SHLD2: variants seen among roughly 807,000 people sequenced by gnomAD.
The protein encoded by SHLD2 is RINN1-REV7-interacting novel NHEJ regulator 2.
A neutral mutation model predicts 73.2 loss-of-function variants in SHLD2; 30 were observed. The observed-to-expected ratio is 0.41, with a 90% CI of 0.31 to 0.56. SHLD2 has a LOEUF of 0.56. Among genes scored for constraint, SHLD2 ranks in the 20% least tolerant of loss-of-function variants. The pLI, the probability that SHLD2 is intolerant of heterozygous loss-of-function variation, is 0.28. For synonymous variants in SHLD2, 285 were observed against 370.1 expected, an observed-to-expected ratio of 0.77 and a Z score of 2.64; for missense variants, 745 against 1,055.9, an observed-to-expected ratio of 0.71 and a Z score of 4.08.
intron 2 of SHLD2, among the ~76,000 whole-genome samples, chr10:87,107,004 G>C (rs1395974808): frequency 1.3e-5 from 2 of 149,048 alleles, no homozygotes; most frequent in African/African-American, 4.9e-5. Flanking sequence ...TGGAATCCTT[G>C]TGATTGCATT....
At chr10:87,097,347 G>C (rs750822744) in intron 2 of SHLD2, among the ~76,000 whole-genome samples, 2 of 152,194 alleles carry the variant, frequency 1.3e-5, no homozygotes, top group Non-Finnish European at 2.9e-5. Context: ...GATCACTTGA[G>C]GTCAGGAGTT....
chr10:87,103,552 T>C (rs887335687), intron 2 of SHLD2, among the ~76,000 whole-genome samples: 13 of 152,214 alleles, frequency 8.5e-5, no homozygotes, highest in African/African-American at 3.1e-4. Context: ...TTGCAAACTT[T>C]TGTGCCAAAG....
chr10:87,123,183 A>G (rs1843744610), intron 2 of SHLD2, among the ~76,000 whole-genome samples: 1 of 152,258 alleles, frequency 6.6e-6, no homozygotes. Context: ...CTGAGATTAC[A>G]GGCATGAGTC....
intron 2 of SHLD2, chr10:87,114,394 T>G (rs906036180): frequency 4.6e-5 from 7 of 152,202 alleles, no homozygotes; most frequent in African/African-American, 1.7e-4. Flanking sequence ...GGAGACTGGA[T>G]TGGTAGGGAC....
At chr10:87,163,089 C>G (rs3129473) in intron 4 of SHLD2, among the ~76,000 whole-genome samples, 131,848 of 151,756 alleles carry the variant, frequency 0.87, 58,176 homozygotes, top group African/African-American at 0.97. Flanking sequence ...CTAAGTTATG[C>G]TACATTCACA....
At position 87,175,874 on chromosome 10, in the gene SHLD2, A is replaced by C. The variant is rs1455838840; in HGVS notation, c.1964-15A>C. On this transcript the variant is annotated splice_polypyrimidine_tract_variant and intron_variant, in intron 6 of 9. Transcript: ENST00000298786. ...TTCCTTTTTGGTGACTTTTGTTTTTACTGTTTTTTTTAAGGTTATATTTGG... is the reference window on the plus strand; with the variant it reads ...TTCCTTTTTGGTGACTTTTGTTTTTCCTGTTTTTTTTAAGGTTATATTTGG... 6 of 1,547,854 alleles carry C rather than the reference A, an allele frequency of 3.9e-6. No individual in the cohort carries two copies. In the East Asian group the frequency reaches 1.5e-4, roughly 38 times the overall value.
intron 4 of SHLD2, among the ~76,000 whole-genome samples, chr10:87,169,637 C>T (rs1349330830): frequency 4.6e-5 from 7 of 151,310 alleles, no homozygotes; most frequent in African/African-American, 1.5e-4. Flanking sequence ...GGTCAGCAAT[C>T]AATCACGTAC....
intron 2 of SHLD2, among the ~76,000 whole-genome samples, chr10:87,129,562 C>T (rs552165214): frequency 3.3e-5 from 5 of 152,226 alleles, no homozygotes; most frequent in African/African-American, 1.2e-4. Context: ...CTGTTGCCAT[C>T]TCTTTGATTC....
intron 2 of SHLD2, among the ~76,000 whole-genome samples, chr10:87,128,989 T>G (rs1005047629): frequency 6.6e-6 from 1 of 152,080 alleles, no homozygotes; most frequent in Non-Finnish European, 1.5e-5. Context: ...TGCAACAACC[T>G]CCGCCTCCTG....
intron 2 of SHLD2, among the ~76,000 whole-genome samples, chr10:87,104,780 C>A (rs11202329): frequency 0.35 from 52,607 of 151,302 alleles, 9,603 homozygotes; most frequent in African/African-American, 0.44. Flanking sequence ...CCTGCTTCAG[C>A]CTCCCGAGTA....
chr10:87,168,115 TCC>T (rs1295509923), intron 4 of SHLD2, among the ~76,000 whole-genome samples: 1 of 152,136 alleles, frequency 6.6e-6, no homozygotes, highest in Non-Finnish European at 1.5e-5. Context: ...GACCCAGCAA[TCC>T]CATTACTAGG....
At chr10:87,163,347 TAGG>T (rs1846959445) in intron 4 of SHLD2, among the ~76,000 whole-genome samples, 1 of 151,896 alleles carries the variant, frequency 6.6e-6, no homozygotes, top group African/African-American at 2.4e-5. Context: ...AGGGGGCACA[TAGG>T]AGAGGGGTGG....
At chr10:87,163,239 T>C (rs1159824093) in intron 4 of SHLD2, among the ~76,000 whole-genome samples, 2 of 152,114 alleles carry the variant, frequency 1.3e-5, no homozygotes, top group Non-Finnish European at 2.9e-5. Flanking sequence ...CTGTCCTTCC[T>C]GTACGAAGGA....
intron 2 of SHLD2, among the ~76,000 whole-genome samples, chr10:87,128,519 T>C (rs1308965836): frequency 6.6e-6 from 1 of 152,262 alleles, no homozygotes; most frequent in Non-Finnish European, 1.5e-5. Context: ...CTTCTGTTTC[T>C]TCTCCTCTTA....
rs539336799 is a variant in SHLD2 at position 87,160,544 on chromosome 10, A to G, written c.1633+2389A>G. ...TTATAATATGATTAATACTATATCA[A>G]TAAAATAGATACTTAGTCCTAATGC... On this transcript the variant is annotated intron_variant, in intron 4 of 9. Coordinates refer to ENST00000298786, the MANE Select transcript of SHLD2 (RefSeq NM_001330112.2). 1.1e-4 allele frequency among the ~76,000 whole-genome samples: 17 copies of G among 152,312 alleles called. No homozygotes were observed. In the East Asian group the frequency reaches 3.3e-3, roughly 29 times the overall value.
At chr10:87,100,682 TAGTC>T (rs753691546) in intron 2 of SHLD2, among the ~76,000 whole-genome samples, 59 of 152,280 alleles carry the variant, frequency 3.9e-4, no homozygotes, top group African/African-American at 1.4e-3. Flanking sequence ...TTTATCATGT[TAGTC>T]AGGCTGATCT....
chr10:87,105,278 A>C (rs1002509884), intron 2 of SHLD2, among the ~76,000 whole-genome samples: 1 of 152,256 alleles, frequency 6.6e-6, no homozygotes, highest in African/African-American at 2.4e-5. Context: ...TTAAAAACAG[A>C]CATAACTGAA....
intron 2 of SHLD2, among the ~76,000 whole-genome samples, chr10:87,147,072 G>GAAAAAAAAAA (rs76041937): frequency 1.2e-4 from 11 of 95,306 alleles, no homozygotes; most frequent in Non-Finnish European, 2.0e-4. Context: ...AAAAAAAAAA[G>GAAAAAAAAAA]AAAAAAAAAA....
At chr10:87,139,701 G>T (rs1163465416) in intron 2 of SHLD2, among the ~76,000 whole-genome samples, 1 of 152,122 alleles carries the variant, frequency 6.6e-6, no homozygotes, top group African/African-American at 2.4e-5. Context: ...GGTGGGATGT[G>T]CCTGTAATTC....
Sources: allele counts gnomAD v4.1 joint callset (sites outside exome capture counted in the v4.1 genomes callset), GRCh38; gene constraint gnomAD v4.1.1; transcripts MANE v1.5; gene names NCBI Gene and HGNC (gene_info 2026-07-23, HGNC 2026-07-21).